CREB5: variants seen among roughly 807,000 people sequenced by gnomAD.
The protein encoded by CREB5 is cAMP responsive element binding protein 5.
In CREB5, 19 loss-of-function variants were observed where a neutral mutation model predicts 57.1. That is an observed-to-expected ratio of 0.33 (90% CI 0.23 to 0.49). CREB5 has a LOEUF of 0.49. CREB5 is among the 20% of genes least tolerant of loss of function. The pLI is 0.99. For synonymous variants in CREB5, 238 were observed against 238.3 expected (o/e 1.00, Z 0.01); for missense variants, 579 against 671.6 (o/e 0.86, Z 1.52).
At chr7:28,738,191 C>T (rs1418517950) in intron 7 of CREB5, among the ~76,000 whole-genome samples, 2 of 152,180 alleles carry the variant, frequency 1.3e-5, no homozygotes, top group African/African-American at 2.4e-5. Flanking sequence ...ATTTGGAATA[C>T]GTCTAGCCCT....
intron 4 of CREB5, among the ~76,000 whole-genome samples, chr7:28,534,870 G>A (rs1363641799): frequency 2.1e-5 from 3 of 141,674 alleles, no homozygotes; most frequent in African/African-American, 7.8e-5. Flanking sequence ...AGGGTAACAG[G>A]CCTTCTAAGT....
At chr7:28,666,796 AAATT>A (rs1799843071) in intron 5 of CREB5, among the ~76,000 whole-genome samples, 1 of 151,896 alleles carries the variant, frequency 6.6e-6, no homozygotes, top group South Asian at 2.1e-4. Flanking sequence ...AAAAATAAAA[AAATT>A]AGCCAGGAGT....
chr7:28,354,059 C>T (rs1282389933), intron 1 of CREB5, among the ~76,000 whole-genome samples: 1 of 152,064 alleles, frequency 6.6e-6, no homozygotes, highest in Non-Finnish European at 1.5e-5. Flanking sequence ...GGGACTTGAT[C>T]AGAATAAAAT....
At chr7:28,480,181 A>T (rs369935636) in intron 1 of CREB5, among the ~76,000 whole-genome samples, 1 of 152,224 alleles carries the variant, frequency 6.6e-6, no homozygotes, top group African/African-American at 2.4e-5. Flanking sequence ...ATTAAAAAGT[A>T]TCTATCTAGA....
intron 4 of CREB5, among the ~76,000 whole-genome samples, chr7:28,560,955 T>TGTGTGTGCGTGC (rs1562798094): frequency 9.0e-5 from 2 of 22,176 alleles, no homozygotes; most frequent in Admixed American, 5.1e-4. Flanking sequence ...TGTGTGCGTG[T>TGTGTGTGCGTGC]GTGTGCGTGT....
chr7:28,396,770 G>T (rs1400721172), intron 1 of CREB5, among the ~76,000 whole-genome samples: 1 of 152,118 alleles, frequency 6.6e-6, no homozygotes, highest in Non-Finnish European at 1.5e-5. Flanking sequence ...GGCAAGTTCA[G>T]AAATACCCAG....
At chr7:28,643,753 G>GGT (rs1554279438) in intron 5 of CREB5, among the ~76,000 whole-genome samples, 1 of 90,454 alleles carries the variant, frequency 1.1e-5, no homozygotes, top group Non-Finnish European at 2.1e-5. Flanking sequence ...TTGGGAGGTG[G>GGT]GGGGGGGCGG....
intron 1 of CREB5, among the ~76,000 whole-genome samples, chr7:28,440,410 T>C (rs1427768638): frequency 1.3e-5 from 2 of 152,180 alleles, no homozygotes; most frequent in Non-Finnish European, 2.9e-5. Flanking sequence ...TTCCTTAAAT[T>C]AAGGGCTTCA....
chr7:28,731,680 G>A (rs755730457), intron 7 of CREB5, among the ~76,000 whole-genome samples: 49 of 152,202 alleles, frequency 3.2e-4, no homozygotes, highest in Admixed American at 2.4e-3. Context: ...AAAGTCATCC[G>A]CTGGTTGCTG....
At chr7:28,538,414 A>C (rs1794065274) in intron 4 of CREB5, among the ~76,000 whole-genome samples, 2 of 149,112 alleles carry the variant, frequency 1.3e-5, no homozygotes, top group Non-Finnish European at 3.0e-5. Context: ...TTATTCGCTT[A>C]AAGTCTTTAT....
At chr7:28,441,218 T>C (rs1789172443) in intron 1 of CREB5, among the ~76,000 whole-genome samples, 1 of 152,128 alleles carries the variant, frequency 6.6e-6, no homozygotes, top group Non-Finnish European at 1.5e-5. Flanking sequence ...ATGCACACAC[T>C]CTAAAAGTTT....
At chr7:28,708,382 G>T (rs541032484) in intron 5 of CREB5, among the ~76,000 whole-genome samples, 1 of 152,076 alleles carries the variant, frequency 6.6e-6, no homozygotes. Context: ...AAATTCTAGC[G>T]CTGCCTTTTA....
chr7:28,638,385 G>C (rs1798514560), intron 5 of CREB5, among the ~76,000 whole-genome samples: 1 of 147,712 alleles, frequency 6.8e-6, no homozygotes, highest in South Asian at 2.1e-4. Context: ...TCACTCTGTT[G>C]CCTAGGCTGG....
At chr7:28,499,981 C>T (rs146697371) in intron 3 of CREB5, among the ~76,000 whole-genome samples, 21 of 152,294 alleles carry the variant, frequency 1.4e-4, no homozygotes, top group African/African-American at 5.1e-4. Flanking sequence ...GAAGTTAGGG[C>T]AGGCACCAGT....
chr7:28,352,851 G>T (rs1786261282), intron 1 of CREB5, among the ~76,000 whole-genome samples: 1 of 152,168 alleles, frequency 6.6e-6, no homozygotes, highest in African/African-American at 2.4e-5. Flanking sequence ...GTTCATTAAT[G>T]TGCCCACTGT....
intron 5 of CREB5, among the ~76,000 whole-genome samples, chr7:28,656,117 C>A (rs186633022): frequency 6.6e-6 from 1 of 152,146 alleles, no homozygotes; most frequent in African/African-American, 2.4e-5. Context: ...AAATTCAGCC[C>A]AGCTTTACCC....
At chr7:28,330,879 G>A (rs1785703656) in intron 1 of CREB5, among the ~76,000 whole-genome samples, 1 of 152,124 alleles carries the variant, frequency 6.6e-6, no homozygotes, top group Non-Finnish European at 1.5e-5. Flanking sequence ...TGCGTCATGT[G>A]CTTGTGAAGC....
At chr7:28,557,143 T>C (rs1178550236) in intron 4 of CREB5, among the ~76,000 whole-genome samples, 1 of 133,192 alleles carries the variant, frequency 7.5e-6, no homozygotes, top group Non-Finnish European at 1.7e-5. Flanking sequence ...AGGTACTAGC[T>C]GTTTCCTACT....
intron 5 of CREB5, among the ~76,000 whole-genome samples, chr7:28,643,069 T>G (rs913944761): frequency 2.3e-4 from 35 of 148,952 alleles, no homozygotes; most frequent in Admixed American, 7.4e-4. Context: ...CTAAAGACCC[T>G]TTGAGAAAGC....
Sources: allele counts gnomAD v4.1 joint callset (sites outside exome capture counted in the v4.1 genomes callset), GRCh38; gene constraint gnomAD v4.1.1; transcripts MANE v1.5; gene names NCBI Gene and HGNC (gene_info 2026-07-23, HGNC 2026-07-21).